The following PPP6R3 variants were observed in gnomAD, a reference collection of about 807,000 sequenced individuals.
PPP6R3 encodes the protein serine/threonine-protein phosphatase 6 regulatory subunit 3.
PPP6R3 carries 38 observed loss-of-function variants against 110.7 expected under a neutral mutation model. That is an observed-to-expected ratio of 0.34 (90% CI 0.26 to 0.45). PPP6R3 has a LOEUF of 0.45. Ranked by LOEUF, PPP6R3 falls within the 20% of genes least tolerant of loss-of-function variation. PPP6R3 has a pLI of 1.00. For synonymous variants in PPP6R3, 369 were observed against 373.5 expected (o/e 0.99, Z 0.14); for missense variants, 870 against 1,062.4 (o/e 0.82, Z 2.52).
chr11:68,600,875 C>T (rs1308701451), intron 20 of PPP6R3, among the ~76,000 whole-genome samples: 1 of 152,182 alleles, frequency 6.6e-6, no homozygotes, highest in African/African-American at 2.4e-5. Flanking sequence ...AGGCACAGCA[C>T]CTCTGTGTGG....
Position 68,615,170 on chromosome 11 carries a change from G to T in PPP6R3, c.*2053G>T, listed in dbSNP as rs553194973. On this transcript the variant is annotated 3_prime_UTR_variant, in exon 24 of 24. Transcript: ENST00000393800. ...AATGGGGAGGACAGTTCTTTTGGAG[G>T]TTGGAGGGGCCAAGCCAAGGACAGG... 52 of 445,902 alleles carry T rather than the reference G, an allele frequency of 1.2e-4. No individual in the cohort carries two copies. Among genetic ancestry groups the T allele is most frequent in the African/African-American group, 9.6e-4 (48 of 49,866 alleles). 27.6% of individuals were successfully genotyped at this position (445,902 alleles called of 1,614,324 possible).
intron 9 of PPP6R3, among the ~76,000 whole-genome samples, chr11:68,566,416 A>G (rs1044687487): frequency 1.5e-4 from 22 of 151,562 alleles, no homozygotes; most frequent in Non-Finnish European, 2.9e-4. Flanking sequence ...CTGGAGTACA[A>G]TGGCACAATC....
intron 18 of PPP6R3, among the ~76,000 whole-genome samples, chr11:68,592,022 C>T (rs2099596910): frequency 6.6e-6 from 1 of 152,208 alleles, no homozygotes; most frequent in Non-Finnish European, 1.5e-5. Context: ...TCAGTAATTA[C>T]AACAGCAGTT....
At chr11:68,555,662 G>A (rs1291764022) in intron 7 of PPP6R3, among the ~76,000 whole-genome samples, 1 of 152,180 alleles carries the variant, frequency 6.6e-6, no homozygotes, top group East Asian at 1.9e-4. Flanking sequence ...AGCCACCAGA[G>A]CCCATGTGCG....
At chr11:68,600,595 G>A in intron 20 of PPP6R3, 101 bp downstream of exon 20, 1 of 1,343,966 alleles carries the variant, frequency 7.4e-7, no homozygotes, top group Non-Finnish European at 1.0e-6. Flanking sequence ...TGACTTCCAA[G>A]TTGAATATAC....
chr11:68,526,755 A>G (rs1247972340), intron 2 of PPP6R3, among the ~76,000 whole-genome samples: 3 of 152,166 alleles, frequency 2.0e-5, no homozygotes, highest in African/African-American at 7.2e-5. Context: ...CTTCAATGAA[A>G]CTTGTTCGTA....
At chr11:68,542,395 T>TTTTTGTTTTTTTTG (rs1168931864) in intron 3 of PPP6R3, among the ~76,000 whole-genome samples, 8 of 108,970 alleles carry the variant, frequency 7.3e-5, no homozygotes, top group East Asian at 2.8e-4. Context: ...TGCTGTTTTT[T>TTTTTGTTTTTTTTG]TTTTTTTTTT....
chr11:68,601,175 C>T (rs1329668939), intron 20 of PPP6R3, among the ~76,000 whole-genome samples: 3 of 152,154 alleles, frequency 2.0e-5, no homozygotes, highest in African/African-American at 7.2e-5. Flanking sequence ...TTCGTCTACC[C>T]CGCTTTTCAG....
At chr11:68,473,139 C>T (rs1403370255) in intron 1 of PPP6R3, among the ~76,000 whole-genome samples, 1 of 152,130 alleles carries the variant, frequency 6.6e-6, no homozygotes, top group Non-Finnish European at 1.5e-5. Flanking sequence ...GGCTAGCTGA[C>T]CTAGGTAGCT....
chr11:68,581,934 A>AAG (rs2099556207), intron 14 of PPP6R3, among the ~76,000 whole-genome samples: 1 of 152,232 alleles, frequency 6.6e-6, no homozygotes, highest in Non-Finnish European at 1.5e-5. Context: ...GTCTTTACCA[A>AAG]AGATGGTTGG....
chr11:68,472,558 C>G (rs1242283393), intron 1 of PPP6R3, among the ~76,000 whole-genome samples: 17 of 151,300 alleles, frequency 1.1e-4, no homozygotes, highest in Non-Finnish European at 2.5e-4. Context: ...CTTGCTAGCC[C>G]TTGGTATTGT....
chr11:68,501,604 G>A (rs1389369724), intron 1 of PPP6R3, among the ~76,000 whole-genome samples: 1 of 152,256 alleles, frequency 6.6e-6, no homozygotes, highest in Non-Finnish European at 1.5e-5. Flanking sequence ...TGGGATTACA[G>A]GCGTGAGCCA....
At chr11:68,478,582 G>A (rs1233762755) in intron 1 of PPP6R3, among the ~76,000 whole-genome samples, 1 of 144,696 alleles carries the variant, frequency 6.9e-6, no homozygotes, top group Non-Finnish European at 1.5e-5. Flanking sequence ...CCTTTTGAAA[G>A]CCACACATAG....
At chr11:68,542,360 A>C in intron 3 of PPP6R3, among the ~76,000 whole-genome samples, 1 of 109,884 alleles carries the variant, frequency 9.1e-6, no homozygotes, top group Non-Finnish European at 1.8e-5. Flanking sequence ...GGTGGAGTGG[A>C]GGCATCTTTG....
chr11:68,500,568 C>G (rs2099043259), intron 1 of PPP6R3, among the ~76,000 whole-genome samples: 1 of 152,222 alleles, frequency 6.6e-6, no homozygotes, highest in South Asian at 2.1e-4. Flanking sequence ...ACCTCCACCA[C>G]CTGGGTTCAA....
Position 68,607,954 on chromosome 11 carries a change from T to C in PPP6R3, c.2451-1950T>C, listed in dbSNP as rs1223765032. On this transcript the variant is annotated intron_variant, in intron 22 of 23. Transcript: ENST00000393800. ...ACTCCTGGCTTAATTTTTTTGTTTG[T>C]TTACTTTTTTATTTTTGTGGCCCAG... Among the ~76,000 whole-genome samples the C allele has an allele frequency of 2.0e-5, 3 of 151,880 alleles. No individual in the cohort carries two copies. The East Asian group carries it at 5.8e-4, about 29-fold the overall frequency.
intron 8 of PPP6R3, among the ~76,000 whole-genome samples, chr11:68,561,742 G>A (rs1268158006): frequency 6.6e-6 from 1 of 152,174 alleles, no homozygotes; most frequent in Admixed American, 6.5e-5. Context: ...GAACTTGGAT[G>A]AAAACTGATA....
rs202012291 is a variant in PPP6R3 at position 68,549,627 on chromosome 11, CTG to C, written c.552+1424_552+1425del. 3.9e-3 allele frequency among the ~76,000 whole-genome samples: 598 copies of C among 152,270 alleles called. 2 individuals carry two copies. The highest frequency in any genetic ancestry group is 0.014 in the African/African-American group (573 of 41,540). On this transcript the variant is annotated intron_variant, in intron 5 of 23. Transcript: ENST00000393800. ...AAGAGGTTGAGGATTCTGGGGAAGA[CTG>C]AGGACAGGGAGGGGGTTATCACCTT...
At chr11:68,540,971 C>T (rs1367775598) in intron 3 of PPP6R3, among the ~76,000 whole-genome samples, 1 of 152,020 alleles carries the variant, frequency 6.6e-6, no homozygotes, top group African/African-American at 2.4e-5. Flanking sequence ...ATCACATGGT[C>T]CTGAAGTGAC....
Sources: gnomAD v4.1 joint callset for allele counts (sites outside exome capture counted in the v4.1 genomes callset) on GRCh38, gnomAD v4.1.1 for gene constraint, MANE v1.5 for transcripts, NCBI Gene and HGNC (gene_info 2026-07-23, HGNC 2026-07-21) for gene names.